Variants in GRID2 observed in about 807,000 individuals in gnomAD.
GRID2 encodes the protein glutamate receptor ionotropic, delta-2.
GRID2 carries 33 observed loss-of-function variants against 114.8 expected under a neutral mutation model. That is an observed-to-expected ratio of 0.29 (90% CI 0.22 to 0.38). GRID2 has a LOEUF of 0.38. Among genes scored for constraint, GRID2 ranks in the 10% least tolerant of loss-of-function variants. GRID2 has a pLI of 1.00. For synonymous variants in GRID2, 505 were observed against 449.9 expected (o/e 1.12, Z -1.55); for missense variants, 1,184 against 1,257.7 (o/e 0.94, Z 0.89).
At chr4:93,393,581 C>A (rs370235557) in intron 8 of GRID2, among the ~76,000 whole-genome samples, 1 of 151,932 alleles carries the variant, frequency 6.6e-6, no homozygotes, top group South Asian at 2.1e-4. Context: ...TTGTTTGGAA[C>A]CTCCAAATAC....
intron 13 of GRID2, among the ~76,000 whole-genome samples, chr4:93,536,533 A>G (rs1470912598): frequency 2.6e-5 from 4 of 151,826 alleles, no homozygotes; most frequent in Non-Finnish European, 5.9e-5. Context: ...TATATAAATT[A>G]ATTCACAATA....
At chr4:92,785,001 G>A (rs1241492515) in intron 2 of GRID2, among the ~76,000 whole-genome samples, 1 of 151,152 alleles carries the variant, frequency 6.6e-6, no homozygotes, top group Non-Finnish European at 1.5e-5. Flanking sequence ...TTAGAATGTG[G>A]AAAAGTTAGT....
chr4:92,846,520 C>G (rs1743339469), intron 2 of GRID2, among the ~76,000 whole-genome samples: 1 of 152,046 alleles, frequency 6.6e-6, no homozygotes, highest in Non-Finnish European at 1.5e-5. Flanking sequence ...TGTAATATCC[C>G]TTTGCTTACA....
At chr4:92,723,222 T>C (rs1735896827) in intron 2 of GRID2, among the ~76,000 whole-genome samples, 1 of 152,026 alleles carries the variant, frequency 6.6e-6, no homozygotes, top group African/African-American at 2.4e-5. Context: ...GAGTATGACA[T>C]GAGTATTGAT....
chr4:93,686,984 A>T (rs1254239169), intron 14 of GRID2, among the ~76,000 whole-genome samples: 1 of 151,972 alleles, frequency 6.6e-6, no homozygotes, highest in East Asian at 1.9e-4. Context: ...AAACCGCCTG[A>T]AAGTGGGAAA....
At chr4:93,696,435 C>G (rs1255593264) in intron 14 of GRID2, among the ~76,000 whole-genome samples, 2 of 152,110 alleles carry the variant, frequency 1.3e-5, no homozygotes, top group Non-Finnish European at 2.9e-5. Flanking sequence ...CTTTCCAGCA[C>G]TCAGGCTATA....
chr4:92,797,010 C>CT (rs1553928756), intron 2 of GRID2, among the ~76,000 whole-genome samples: 2 of 151,836 alleles, frequency 1.3e-5, no homozygotes, highest in Non-Finnish European at 2.9e-5. Context: ...ATTTTCATTT[C>CT]TTTTTTTACA....
chr4:93,192,120 G>T (rs2149448425), intron 4 of GRID2, among the ~76,000 whole-genome samples: 2 of 152,174 alleles, frequency 1.3e-5, no homozygotes, highest in East Asian at 3.9e-4. Flanking sequence ...GATTCTAGAA[G>T]ACAGGAACAG....
At position 93,564,156 on chromosome 4, in the gene GRID2, G is replaced by A. The variant is rs186000119; in HGVS notation, c.2193+48745G>A. 4.6e-3 allele frequency among the ~76,000 whole-genome samples: 701 copies of A among 151,952 alleles called. 5 individuals carry two copies. The highest frequency in any genetic ancestry group is 7.5e-3 in the Non-Finnish European group (511 of 67,844). ...TTAAGTCAGATAAATGCCAGAGAAA[G>A]GGCTTTTTAAAAATCTATAAGTTTG... On this transcript the variant is annotated intron_variant, in intron 13 of 15. Coordinates refer to ENST00000282020, the MANE Select transcript of GRID2 (RefSeq NM_001510.4).
intron 2 of GRID2, among the ~76,000 whole-genome samples, chr4:92,622,204 T>A (rs1023630368): frequency 6.6e-6 from 1 of 151,788 alleles, no homozygotes; most frequent in African/African-American, 2.4e-5. Flanking sequence ...AGCAAGAATC[T>A]GTAAGAGATT....
chr4:93,289,940 G>A (rs898493879), intron 8 of GRID2, among the ~76,000 whole-genome samples: 36 of 152,140 alleles, frequency 2.4e-4, no homozygotes, highest in African/African-American at 8.2e-4. Context: ...TATAAAACTA[G>A]GATTATGGTT....
intron 14 of GRID2, among the ~76,000 whole-genome samples, chr4:93,677,951 G>GAAA (rs1553981624): frequency 4.7e-5 from 7 of 150,050 alleles, no homozygotes; most frequent in Non-Finnish European, 7.4e-5. Flanking sequence ...GACGAGTTGA[G>GAAA]AGAAGGCTTC....
intron 2 of GRID2, among the ~76,000 whole-genome samples, chr4:93,057,738 A>G (rs1409328262): frequency 6.6e-6 from 1 of 151,808 alleles, no homozygotes; most frequent in Non-Finnish European, 1.5e-5. Context: ...AGGGAAAAGA[A>G]TGGAAGGGGA....
chr4:92,761,153 G>A (rs903195307), intron 2 of GRID2, among the ~76,000 whole-genome samples: 1 of 151,514 alleles, frequency 6.6e-6, no homozygotes, highest in Admixed American at 6.6e-5. Context: ...TTGACTTTCT[G>A]TCTGCTTTGC....
chr4:93,505,802 T>C (rs1728572937), intron 12 of GRID2, among the ~76,000 whole-genome samples: 1 of 151,296 alleles, frequency 6.6e-6, no homozygotes, highest in Admixed American at 6.6e-5. Flanking sequence ...ACTGTCAGAG[T>C]TTTGAGGTTT....
At chr4:93,383,500 A>G (rs962667890) in intron 8 of GRID2, among the ~76,000 whole-genome samples, 4 of 152,200 alleles carry the variant, frequency 2.6e-5, no homozygotes, top group Non-Finnish European at 5.9e-5. Context: ...AATAGACTCC[A>G]GAACTCCAGA....
chr4:93,321,486 A>G (rs976060134), intron 8 of GRID2, among the ~76,000 whole-genome samples: 1 of 152,122 alleles, frequency 6.6e-6, no homozygotes, highest in African/African-American at 2.4e-5. Context: ...GGATGTGTAC[A>G]ATCGTTGATA....
intron 13 of GRID2, among the ~76,000 whole-genome samples, chr4:93,603,153 T>G (rs573215611): frequency 6.6e-6 from 1 of 152,204 alleles, no homozygotes; most frequent in South Asian, 2.1e-4. Context: ...GAGGTTGCAG[T>G]TAGCCAAGAT....
intron 2 of GRID2, among the ~76,000 whole-genome samples, chr4:92,943,965 C>A (rs900370087): frequency 6.6e-6 from 1 of 152,152 alleles, no homozygotes; most frequent in African/African-American, 2.4e-5. Context: ...AGAGGGGTAC[C>A]AGGCCATGTG....
Sources: allele counts gnomAD v4.1 joint callset (sites outside exome capture counted in the v4.1 genomes callset), GRCh38; gene constraint gnomAD v4.1.1; transcripts MANE v1.5; gene names NCBI Gene and HGNC (gene_info 2026-07-23, HGNC 2026-07-21).